Variants in SPINT1 observed in about 807,000 individuals in gnomAD.
SPINT1 encodes serine peptidase inhibitor, Kunitz type 1.
SPINT1 carries 38 observed loss-of-function variants against 53.7 expected under a neutral mutation model. That is an observed-to-expected ratio of 0.71 (90% CI 0.55 to 0.93). The LOEUF is 0.93. Ranked by LOEUF, SPINT1 falls within the 40% of genes least tolerant of loss-of-function variation. The pLI is 0.00. For missense variants in SPINT1, 645 were observed against 692.9 expected, an observed-to-expected ratio of 0.93 and a Z score of 0.78; for synonymous variants, 283 against 280.6, an observed-to-expected ratio of 1.01 and a Z score of -0.08.
intron 5 of SPINT1, 29 bp from the exon 6 acceptor site, chr15:40,854,031 C>A: frequency 6.4e-7 from 1 of 1,571,188 alleles, no homozygotes; most frequent in Non-Finnish European, 8.6e-7. Context: ...CTGGTCATGC[C>A]TCCTCTCATT....
At position 40,856,936 on chromosome 15, in the gene SPINT1, G is replaced by A. The variant is rs765154925; in HGVS notation, c.1503G>A (p.Thr501=). 1.5e-5 allele frequency: 25 copies of A among 1,613,820 alleles called. No homozygotes were observed. In the African/African-American group the frequency reaches 2.0e-4, roughly 13 times the overall value. Residue 501 remains threonine (T), a synonymous_variant, in exon 11 of 11, where the codon ACG becomes ACA. Transcript: ENST00000562057. ...CCACTGTCTCCACTACCGAGGACAC[G>A]GAGCACCTGGTCTATAACCACACCA... is the stretch of plus-strand genomic sequence containing the variant. ...ASSTVSTTED[T]EHLVYNHTTR...
At chr15:40,845,485 G>A (rs561391828) in intron 2 of SPINT1, among the ~76,000 whole-genome samples, 3 of 152,154 alleles carry the variant, frequency 2.0e-5, no homozygotes, top group African/African-American at 4.8e-5. Context: ...CAGTACAGCC[G>A]AATCAAGCCT....
chr15:40,844,966 A>G lies in SPINT1; in HGVS notation c.412A>G (p.Ile138Val), dbSNP rs368898985. ...CAAGTTCGCGCCCAGGGAGGGCTTC[A>G]TCAACTACCTCACGAGGGAAGTGTA... The part of the protein sequence containing the change: ...VCKFAPREGF[I>V]NYLTREVYRS... The change falls in exon 2 of 11, where the codon ATC (isoleucine) becomes GTC (valine). Residue 138 changes from isoleucine (I) to valine (V), a missense_variant. By Grantham distance (29) the Ile-to-Val change is conservative. Coordinates refer to ENST00000562057, the MANE Select transcript of SPINT1 (RefSeq NM_003710.4). The surrounding 1 kb of genome is among the most constrained non-coding windows in gnomAD (Gnocchi z 5.8). The G allele has an allele frequency of 6.2e-7, 1 of 1,613,926 alleles. No homozygotes were observed. Among genetic ancestry groups the G allele is most frequent in the Admixed American group, 1.7e-5 (1 of 60,018 alleles).
chr15:40,849,162 T>C (rs369890785), intron 2 of SPINT1, among the ~76,000 whole-genome samples: 26 of 151,100 alleles, frequency 1.7e-4, no homozygotes, highest in Admixed American at 5.9e-4. Context: ...AGGAGAATGG[T>C]GTGAACCCAG....
chr15:40,850,593 A>G (rs1891427470), intron 2 of SPINT1, among the ~76,000 whole-genome samples: 1 of 152,048 alleles, frequency 6.6e-6, no homozygotes. Context: ...GACTTAACCT[A>G]TATGTTCCCT....
intron 2 of SPINT1, among the ~76,000 whole-genome samples, chr15:40,845,356 G>T (rs1315730078): frequency 9.5e-6 from 1 of 105,052 alleles, no homozygotes; most frequent in African/African-American, 3.8e-5. Flanking sequence ...TTTTGGTACA[G>T]ACGGGGTTTC....
At position 40,844,194 on chromosome 15, in the gene SPINT1, G is replaced by A; in HGVS notation, c.-66+8G>A. ...CCCAACTCACCTGCGCAGGTAACCC[G>A]GGCCCCCGCGCGCAAGGCCGAGGCG... On this transcript the variant is annotated splice_region_variant and intron_variant, in intron 1 of 10. Coordinates refer to ENST00000562057, the MANE Select transcript of SPINT1 (RefSeq NM_003710.4). The surrounding 1 kb of genome is among the most constrained non-coding windows in gnomAD (Gnocchi z 5.8). The A allele has an allele frequency of 2.5e-6, 1 of 401,722 alleles. No individual in the cohort carries two copies. The highest frequency in any genetic ancestry group is 2.0e-5 in the South Asian group (1 of 51,030). 24.9% of individuals were successfully genotyped at this position (401,722 alleles called of 1,614,324 possible).
At chr15:40,853,034 G>T (rs911588797) in intron 2 of SPINT1, 90 bp from the exon 3 acceptor site, 150 of 1,532,866 alleles carry the variant, frequency 9.8e-5, no homozygotes, top group Admixed American at 1.9e-4. Flanking sequence ...TCTAGGTGGG[G>T]CCCATACTTT....
intron 2 of SPINT1, among the ~76,000 whole-genome samples, chr15:40,850,205 TG>T (rs1891417822): frequency 6.6e-6 from 1 of 152,220 alleles, no homozygotes; most frequent in Non-Finnish European, 1.5e-5. Context: ...CCCGAGCAGC[TG>T]GGATTACAGG....
At position 40,844,346 on chromosome 15, in the gene SPINT1, G is replaced by C; in HGVS notation, c.-65-144G>C. On this transcript the variant is annotated intron_variant, in intron 1 of 10. Transcript: ENST00000562057. The surrounding 1 kb of genome is among the most constrained non-coding windows in gnomAD (Gnocchi z 5.8). ...TGCCGGGTCCCTGGAGGGCGCGTGG[G>C]AGGGCCGGGCCCGTGCGCCCTCTTC... 1 of 631,690 alleles carries C rather than the reference G, an allele frequency of 1.6e-6. No individual in the cohort carries two copies. Among genetic ancestry groups the C allele is most frequent in the South Asian group, 1.8e-5 (1 of 54,780 alleles). The allele number at this position is 631,690 out of a possible 1,614,324, so 39.1% of individuals were successfully genotyped here.
intron 2 of SPINT1, among the ~76,000 whole-genome samples, chr15:40,848,490 G>A (rs1204704033): frequency 6.6e-6 from 1 of 152,136 alleles, no homozygotes; most frequent in Admixed American, 6.5e-5. Flanking sequence ...TTATAATAAC[G>A]AAGAATTGGA....
At chr15:40,854,729 T>G (rs1891583237) in intron 8 of SPINT1, 40 bp downstream of exon 8, 1 of 1,609,584 alleles carries the variant, frequency 6.2e-7, no homozygotes, top group African/African-American at 1.3e-5. Flanking sequence ...GGGCAGACGC[T>G]GACACTGCCA....
In SPINT1 at chr15:40,844,991, A is replaced by T. The variant is rs200164851; in HGVS notation, c.437A>T (p.Tyr146Phe). The change falls in exon 2 of 11, where the codon TAC (tyrosine) becomes TTC (phenylalanine). Residue 146 changes from tyrosine to phenylalanine, a missense_variant. Coordinates refer to ENST00000562057, the MANE Select transcript of SPINT1 (RefSeq NM_003710.4). This position sits in a 1 kb window ranked among gnomAD's most constrained non-coding sequence, Gnocchi z 5.8. The part of the protein sequence containing the change: ...GFINYLTREV[Y>F]RSYRQLRTQG... ...ATCAACTACCTCACGAGGGAAGTGT[A>T]CCGCTCCTACCGCCAGCTGCGGACC... 6.8e-6 allele frequency: 11 copies of T among 1,612,498 alleles called. No homozygotes were observed. The highest frequency in any genetic ancestry group is 9.3e-6 in the Non-Finnish European group (11 of 1,179,312).
intron 2 of SPINT1, among the ~76,000 whole-genome samples, chr15:40,848,985 G>A (rs182189906): frequency 7.3e-5 from 11 of 150,728 alleles, no homozygotes; most frequent in East Asian, 2.0e-4. Flanking sequence ...GGTGGGTCAC[G>A]CCTGTAATCC....
chr15:40,853,251 G>A lies in SPINT1; in HGVS notation c.603G>A (p.Glu201=), dbSNP rs562790200. 2 of 1,614,178 alleles carry A rather than the reference G, an allele frequency of 1.2e-6. No homozygotes were observed. Among genetic ancestry groups the A allele is most frequent in the South Asian group, 1.1e-5 (1 of 91,084 alleles). ...LLRGDTDVRV[E]RKDPNQVELW... ...GGGGTGACACGGATGTCAGGGTAGA[G>A]GTGAGACACTGGGCTGACTCTGACC... is the stretch of plus-strand genomic sequence containing the variant. The change falls in exon 3 of 11, where the codon GAG becomes GAA. Residue 201 remains glutamate, a splice_region_variant and synonymous_variant. Transcript: ENST00000562057.
rs2141999403 is a variant in SPINT1, at chr15:40,844,234, T to G, written c.-66+48T>G. The G allele has an allele frequency of 2.2e-6, 1 of 459,170 alleles. No individual in the cohort carries two copies. The highest frequency in any genetic ancestry group is 2.1e-5 in the African/African-American group (1 of 47,454). The allele number at this position is 459,170 out of a possible 1,614,324, so 28.4% of individuals were successfully genotyped here. Reference sequence around the variant, plus strand: ...AGGCCGAGGCGCAGGCGGAGCGGGCTGGAGCATGTCCGGCCCTTTGTTCTG... The same window carrying G: ...AGGCCGAGGCGCAGGCGGAGCGGGCGGGAGCATGTCCGGCCCTTTGTTCTG... On this transcript the variant is annotated intron_variant, in intron 1 of 10. Transcript: ENST00000562057. The surrounding 1 kb of genome is among the most constrained non-coding windows in gnomAD (Gnocchi z 5.8).
At chr15:40,848,125 T>A (rs537625106) in intron 2 of SPINT1, among the ~76,000 whole-genome samples, 132 of 152,266 alleles carry the variant, frequency 8.7e-4, no homozygotes, top group Non-Finnish European at 1.5e-3. Flanking sequence ...CTTCCTGAAA[T>A]CTCTCCCTTC....
At chr15:40,850,925 G>A (rs1369172236) in intron 2 of SPINT1, among the ~76,000 whole-genome samples, 1 of 152,182 alleles carries the variant, frequency 6.6e-6, no homozygotes, top group Non-Finnish European at 1.5e-5. Context: ...GTATCTAGGA[G>A]GTCAATGTCT....
intron 2 of SPINT1, among the ~76,000 whole-genome samples, chr15:40,846,624 G>A (rs959857886): frequency 6.6e-6 from 1 of 152,192 alleles, no homozygotes; most frequent in African/African-American, 2.4e-5. Flanking sequence ...TAGCCCAGTG[G>A]ATAACAGAAC....
Sources: allele counts gnomAD v4.1 joint callset (sites outside exome capture counted in the v4.1 genomes callset), GRCh38; gene constraint gnomAD v4.1.1; non-coding constraint Gnocchi (gnomAD v3.1); transcripts MANE v1.5; gene names NCBI Gene and HGNC (gene_info 2026-07-23, HGNC 2026-07-21).